The following ANKRD45 variants were observed in gnomAD, a reference collection of about 807,000 sequenced individuals.
ANKRD45 encodes ankyrin repeat domain 45.
ANKRD45 carries 21 observed loss-of-function variants against 28.1 expected under a neutral mutation model. The ratio of observed to expected loss-of-function variants is 0.75; its 90% CI spans 0.53 to 1.08. The LOEUF is 1.08. ANKRD45 is among the 50% of genes least tolerant of loss of function. The pLI, the probability that ANKRD45 is intolerant of heterozygous loss-of-function variation, is 0.00. For synonymous variants in ANKRD45, 86 were observed against 103.9 expected (o/e 0.83, Z 1.05); for missense variants, 261 against 308.7 (o/e 0.85, Z 1.16).
intron 5 of ANKRD45, among the ~76,000 whole-genome samples, chr1:173,611,969 TGTG>T (rs1316132351): frequency 6.6e-6 from 1 of 151,848 alleles, no homozygotes; most frequent in Non-Finnish European, 1.5e-5. Context: ...CAAGGACAGG[TGTG>T]GTGGCTCACA....
chr1:173,653,220 C>T (rs955448741), intron 2 of ANKRD45, among the ~76,000 whole-genome samples: 2 of 152,142 alleles, frequency 1.3e-5, no homozygotes, highest in African/African-American at 4.8e-5. Flanking sequence ...TTCCTGCTTT[C>T]TCTTGTGGGC....
rs567465324 is a variant in ANKRD45 at position 173,662,752 on chromosome 1, A to G, written c.-15-3319T>C. Among the ~76,000 whole-genome samples, 18 of 152,292 alleles carry G rather than the reference A, an allele frequency of 1.2e-4. 1 individual carries two copies. In the South Asian group the frequency reaches 3.3e-3, roughly 28 times the overall value. On this transcript the variant is annotated intron_variant, in intron 1 of 5. Coordinates refer to ENST00000333279, the MANE Select transcript of ANKRD45 (RefSeq NM_198493.3). ...CAAAAATCTTTTCTAACAAGTCCCA[A>G]CAAACTTCCAGTTATATCTCAAAGG...
chr1:173,677,204 CTTTTA>C, the ANKRD45 span, among the ~76,000 whole-genome samples: 2 of 150,790 alleles, frequency 1.3e-5, no homozygotes, highest in South Asian at 2.1e-4. Flanking sequence ...AGGTGCAAAA[CTTTTA>C]TTTTGAGAGA....
intron 3 of ANKRD45, among the ~76,000 whole-genome samples, chr1:173,634,200 C>T (rs1048416670): frequency 1.3e-5 from 2 of 151,844 alleles, no homozygotes; most frequent in African/African-American, 2.4e-5. Context: ...AAAAGACATA[C>T]AAAATGGCAA....
At chr1:173,692,452 A>G in the ANKRD45 span, among the ~76,000 whole-genome samples, 7 of 152,296 alleles carry the variant, frequency 4.6e-5, no homozygotes, top group South Asian at 8.3e-4. Context: ...GCAATGAGAT[A>G]TGCATTTATC....
At chr1:173,680,998 GA>G in the ANKRD45 span, among the ~76,000 whole-genome samples, 2 of 151,850 alleles carry the variant, frequency 1.3e-5, no homozygotes, top group Non-Finnish European at 1.5e-5. Flanking sequence ...GGGAGATAGG[GA>G]AGGGATAGCA....
At chr1:173,656,990 C>A (rs1669550176) in intron 2 of ANKRD45, among the ~76,000 whole-genome samples, 1 of 145,974 alleles carries the variant, frequency 6.9e-6, no homozygotes. Context: ...GGTAGGGAGG[C>A]TTGTCTCAAA....
chr1:173,635,674 A>G (rs905474537), intron 3 of ANKRD45: 8 of 1,535,606 alleles, frequency 5.2e-6, no homozygotes, highest in South Asian at 1.2e-5. Flanking sequence ...AGGGTTCTCC[A>G]TCTCACTGCC....
intron 4 of ANKRD45, among the ~76,000 whole-genome samples, chr1:173,625,246 C>T (rs530881332): frequency 7.2e-4 from 110 of 152,200 alleles, no homozygotes; most frequent in Non-Finnish European, 1.3e-3. Flanking sequence ...AACTCACCAT[C>T]GAGAGTCATG....
intron 5 of ANKRD45, among the ~76,000 whole-genome samples, chr1:173,622,462 T>C (rs1667746219): frequency 1.3e-5 from 2 of 152,050 alleles, no homozygotes; most frequent in South Asian, 2.1e-4. Flanking sequence ...AACAGACACA[T>C]AGACCAATGG....
At chr1:173,628,405 C>T (rs535108946) in intron 3 of ANKRD45, among the ~76,000 whole-genome samples, 1 of 152,124 alleles carries the variant, frequency 6.6e-6, no homozygotes, top group South Asian at 2.1e-4. Flanking sequence ...GAGCCCACTG[C>T]CCTGAAGGGA....
the ANKRD45 span, among the ~76,000 whole-genome samples, chr1:173,688,731 C>G: frequency 3.0e-5 from 4 of 135,494 alleles, no homozygotes; most frequent in African/African-American, 1.3e-4. Flanking sequence ...TCTCTTTCTG[C>G]CTCTTTCCTC....
chr1:173,613,264 G>T (rs1667267960), intron 5 of ANKRD45, among the ~76,000 whole-genome samples: 1 of 151,562 alleles, frequency 6.6e-6, no homozygotes, highest in East Asian at 2.0e-4. Context: ...GAGGTGAGGA[G>T]CGTCTCTGCC....
chr1:173,678,438 CAT>C, the ANKRD45 span, among the ~76,000 whole-genome samples: 1 of 152,122 alleles, frequency 6.6e-6, no homozygotes, highest in African/African-American at 2.4e-5. Flanking sequence ...GAATCCATCA[CAT>C]AAACAGAACC....
intron 5 of ANKRD45, among the ~76,000 whole-genome samples, chr1:173,612,283 GGAAA>G (rs1200757652): frequency 3.6e-5 from 4 of 111,452 alleles, no homozygotes; most frequent in Admixed American, 3.4e-4. Context: ...GAGGGAGGAA[GGAAA>G]GAAGGAAAGA....
chr1:173,700,704 A>G, the ANKRD45 span, among the ~76,000 whole-genome samples: 1 of 152,250 alleles, frequency 6.6e-6, no homozygotes, highest in Non-Finnish European at 1.5e-5. Context: ...TGTTAGACCT[A>G]AAACCACAAA....
chr1:173,658,098 G>A (rs941706477), intron 2 of ANKRD45: 6 of 152,690 alleles, frequency 3.9e-5, no homozygotes, highest in African/African-American at 1.4e-4. Context: ...CAAGACAGGT[G>A]GGTCACTGGA....
At chr1:173,710,486 T>C in the ANKRD45 span, among the ~76,000 whole-genome samples, 1 of 152,314 alleles carries the variant, frequency 6.6e-6, no homozygotes, top group South Asian at 2.1e-4. Context: ...TCTGCCCTGA[T>C]TCTTCCCTTG....
At chr1:173,690,653 C>T in the ANKRD45 span, among the ~76,000 whole-genome samples, 1 of 152,154 alleles carries the variant, frequency 6.6e-6, no homozygotes, top group Non-Finnish European at 1.5e-5. Flanking sequence ...AATAAAACAG[C>T]AATATTTTAA....
Sources: gnomAD v4.1 joint callset for allele counts (sites outside exome capture counted in the v4.1 genomes callset) on GRCh38, gnomAD v4.1.1 for gene constraint, MANE v1.5 for transcripts, NCBI Gene and HGNC (gene_info 2026-07-23, HGNC 2026-07-21) for gene names.